MCF2L: variants seen among roughly 807,000 people sequenced by gnomAD.
The protein encoded by MCF2L is guanine nucleotide exchange factor DBS.
MCF2L carries 97 observed loss-of-function variants against 153.4 expected under a neutral mutation model. That is an observed-to-expected ratio of 0.63 (90% CI 0.54 to 0.75). The LOEUF is 0.75. Among genes scored for constraint, MCF2L ranks in the 30% least tolerant of loss-of-function variants. The probability of loss-of-function intolerance (pLI) is 0.00; values close to 1 mark genes in which losing one functional copy is unlikely to be tolerated. For synonymous variants in MCF2L, 659 were observed against 632.2 expected, an observed-to-expected ratio of 1.04 and a Z score of -0.64; for missense variants, 1,347 against 1,495.2, an observed-to-expected ratio of 0.90 and a Z score of 1.64.
chr13:113,086,041 G>A lies in MCF2L; in HGVS notation c.2248-83G>A, dbSNP rs1001235996. On this transcript the variant is annotated intron_variant, in intron 20 of 29. Coordinates refer to ENST00000535094, the MANE Select transcript of MCF2L (RefSeq NM_001112732.3). Reference sequence around the variant, plus strand: ...GGAGGGTGAGCAGCATCCCTACCTCGTGCCAAGCTCCTGAGGGGTCTGTTC... The same window carrying A: ...GGAGGGTGAGCAGCATCCCTACCTCATGCCAAGCTCCTGAGGGGTCTGTTC... The A allele has an allele frequency of 2.7e-5, 39 of 1,448,840 alleles. 1 individual carries two copies. The East Asian group carries it at 5.6e-4, about 21-fold the overall frequency. The allele number at this position is 1,448,840 out of a possible 1,614,324, so 89.7% of individuals were successfully genotyped here. A position where few individuals can be genotyped will look rare whatever the true frequency, so the allele number is the denominator to read the frequency against.
intron 1 of MCF2L, among the ~76,000 whole-genome samples, chr13:112,970,881 C>T (rs1458234927): frequency 2.6e-5 from 4 of 152,184 alleles, no homozygotes; most frequent in African/African-American, 7.2e-5. Flanking sequence ...GCCATCGTCT[C>T]ATCTGGAACA....
intron 2 of MCF2L, among the ~76,000 whole-genome samples, chr13:113,021,890 C>G (rs2084907793): frequency 6.6e-6 from 1 of 152,226 alleles, no homozygotes; most frequent in African/African-American, 2.4e-5. Context: ...CAGAGATACC[C>G]AGGGTAGCAG....
intron 26 of MCF2L, chr13:113,091,277 GC>G: frequency 8.3e-7 from 1 of 1,202,296 alleles, no homozygotes; most frequent in Non-Finnish European, 1.1e-6. Flanking sequence ...GGCCGTCAAG[GC>G]CACCTAAGGG....
At chr13:113,065,376 A>G in intron 7 of MCF2L, 1 of 445,332 alleles carries the variant, frequency 2.2e-6, no homozygotes, top group Non-Finnish European at 4.1e-6. Context: ...CCGTGGCTTC[A>G]GGAGTGGGAC....
At chr13:113,044,720 C>G (rs2086697853) in intron 3 of MCF2L, 1 of 1,612,778 alleles carries the variant, frequency 6.2e-7, no homozygotes, top group African/African-American at 1.3e-5. Context: ...TGGTCTCTGT[C>G]ACAGATGTGG....
rs751937624 is a variant in MCF2L, at chr13:113,088,328, C to T, written c.2690C>T (p.Ala897Val). The T allele has an allele frequency of 1.9e-6, 3 of 1,613,790 alleles. No individual in the cohort carries two copies. Among genetic ancestry groups the T allele is most frequent in the Non-Finnish European group, 2.5e-6 (3 of 1,179,872 alleles). Reference sequence around the variant, plus strand: ...CTGGCGTTTCTTTTGGGGAAACAGGCGCCAACTCCTGAGATTAAAGCCGCG... The same window carrying T: ...CTGGCGTTTCTTTTGGGGAAACAGGTGCCAACTCCTGAGATTAAAGCCGCG... ...NAREEVYIVQ[A>V]PTPEIKAAWV... The change falls in exon 24 of 30, where the codon GCG becomes GTG. Residue 897 changes from alanine (A) to valine (V), a missense_variant and splice_region_variant. Ala to Val is a moderately conservative substitution (Grantham distance 64). This residue lies in a region of MCF2L where 383 missense variants were observed against 335.4 expected (regional missense o/e 1.14). Transcript: ENST00000535094.
intron 18 of MCF2L, 75 bp from the exon 19 acceptor site, chr13:113,084,817 G>A: frequency 8.9e-7 from 1 of 1,124,260 alleles, no homozygotes; most frequent in East Asian, 2.4e-5. Flanking sequence ...ACCGCGTAAT[G>A]CGGTGCCCGT....
intron 16 of MCF2L, 103 bp downstream of exon 16, chr13:113,081,382 C>T: frequency 8.6e-7 from 1 of 1,167,784 alleles, no homozygotes; most frequent in South Asian, 1.5e-5. Flanking sequence ...TGCTGTCCAC[C>T]AAATGCATGT....
At position 113,035,786 on chromosome 13, in the gene MCF2L, C is replaced by T. The variant is rs1191325293; in HGVS notation, c.279-9485C>T. Among the ~76,000 whole-genome samples the T allele has an allele frequency of 1.3e-5, 2 of 152,208 alleles. No homozygotes were observed. The highest frequency in any genetic ancestry group is 2.9e-5 in the Non-Finnish European group (2 of 68,024). On this transcript the variant is annotated intron_variant, in intron 3 of 29. Coordinates refer to ENST00000535094, the MANE Select transcript of MCF2L (RefSeq NM_001112732.3). This position sits in a 1 kb window ranked among gnomAD's most constrained non-coding sequence, Gnocchi z 4.4. The stretch of plus-strand genomic sequence containing the variant: ...CCAGGTAGGCTCTGGGCTCAGACCC[C>T]AGCGCCCCACTTGTTAGCTGTTTGA...
chr13:112,917,165 T>C (rs1275784587), intron 2 of MCF2L: 2 of 471,076 alleles, frequency 4.2e-6, no homozygotes, highest in Non-Finnish European at 8.8e-6. Context: ...GTGTGATGAT[T>C]CCTAGTCCAC....
chr13:113,094,537 C>T lies in MCF2L; in HGVS notation c.2977C>T (p.Leu993=), dbSNP rs549503950. The T allele has an allele frequency of 7.4e-5, 120 of 1,612,382 alleles. No homozygotes were observed. Among genetic ancestry groups the T allele is most frequent in the Middle Eastern group, 3.3e-4 (2 of 6,056 alleles). ...GKGWSKTSHS[L]EAPEDDGGWS... is the part of the protein sequence containing the mutation. ...AGGTTGGAGCAAAACGTCCCACTCA[C>T]TGGAGGCACCTGAGGACGACGGGGG... Residue 993 remains leucine (L), a synonymous_variant, in exon 27 of 30, where the codon CTG becomes TTG. Transcript: ENST00000535094.
At position 113,084,180 on chromosome 13, in the gene MCF2L, G is replaced by GT. The variant is rs2034415095; in HGVS notation, c.2061+117dup. On this transcript the variant is annotated intron_variant, in intron 18 of 29. Coordinates refer to ENST00000535094, the MANE Select transcript of MCF2L (RefSeq NM_001112732.3). Reference sequence around the variant, plus strand: ...ACCAACTGAAATCACAAAATACGATGTTTTCAATTTGGCTGAGATACCATG... The same window carrying GT: ...ACCAACTGAAATCACAAAATACGATGTTTTTCAATTTGGCTGAGATACCATG... 74 of 931,566 alleles carry GT rather than the reference G, an allele frequency of 7.9e-5. 1 individual carries two copies. In the South Asian group the frequency reaches 1.0e-3, roughly 13 times the overall value. The allele number at this position is 931,566 out of a possible 1,614,324, so 57.7% of individuals were successfully genotyped here.
In MCF2L at chr13:113,075,099, C is replaced by T; in HGVS notation, c.1218C>T (p.Leu406=). The T allele has an allele frequency of 6.2e-7, 1 of 1,613,734 alleles. No individual in the cohort carries two copies. The highest frequency in any genetic ancestry group is 8.5e-7 in the Non-Finnish European group (1 of 1,180,002). ...VDSIRPKCQE[L]RHLCDQFSAE... The stretch of plus-strand genomic sequence containing the variant: ...CCATCCGCCCAAAGTGCCAGGAGCT[C>T]CGGCACCTCTGTGACCAGTTCTCTG... Residue 406 remains leucine, a synonymous_variant, in exon 11 of 30, where the codon CTC becomes CTT. Coordinates refer to ENST00000535094, the MANE Select transcript of MCF2L (RefSeq NM_001112732.3).
chr13:112,921,611 G>A (rs555009958), intron 2 of MCF2L, among the ~76,000 whole-genome samples: 1 of 152,320 alleles, frequency 6.6e-6, no homozygotes, highest in African/African-American at 2.4e-5. Context: ...AAACCTTCCT[G>A]TTAGATACAC....
intron 1 of MCF2L, chr13:112,979,732 G>C (rs750178663): frequency 1.2e-6 from 2 of 1,612,280 alleles, no homozygotes; most frequent in Non-Finnish European, 1.7e-6. Flanking sequence ...AGGAGGCGCC[G>C]GGGAACTGCA....
At chr13:113,078,473 C>T (rs371275967) in intron 14 of MCF2L, 37 bp downstream of exon 14, 1 of 1,575,922 alleles carries the variant, frequency 6.3e-7, no homozygotes. Flanking sequence ...CATCCACACC[C>T]CCCTCCTTGG....
At chr13:112,979,278 C>T in intron 1 of MCF2L, 1 of 1,057,098 alleles carries the variant, frequency 9.5e-7, no homozygotes, top group Non-Finnish European at 1.1e-6. Context: ...CCAGCCCACG[C>T]AAGCCCCCGC....
At chr13:112,952,313 C>CA (rs1284279885) in intron 2 of MCF2L, among the ~76,000 whole-genome samples, 1 of 152,184 alleles carries the variant, frequency 6.6e-6, no homozygotes, top group Non-Finnish European at 1.5e-5. Flanking sequence ...AGAGACCTTG[C>CA]AGCCCCACCC....
At position 113,083,137 on chromosome 13, in the gene MCF2L, G is replaced by A. The variant is rs111799490; in HGVS notation, c.1991+595G>A. Among the ~76,000 whole-genome samples the A allele has an allele frequency of 5.2e-3, 799 of 152,254 alleles. 6 individuals carry two copies. Among genetic ancestry groups the A allele is most frequent in the African/African-American group, 0.018 (767 of 41,540 alleles). On this transcript the variant is annotated intron_variant, in intron 17 of 29. Coordinates refer to ENST00000535094, the MANE Select transcript of MCF2L (RefSeq NM_001112732.3). ...TAACACAGTTTTGGGGAGCTCATGG[G>A]AAGGTGTAGGGTGCACACGCAGTGC...
Sources: allele counts gnomAD v4.1 joint callset (sites outside exome capture counted in the v4.1 genomes callset), GRCh38; gene constraint gnomAD v4.1.1; regional missense constraint gnomAD v4.1.1; non-coding constraint Gnocchi (gnomAD v3.1); transcripts MANE v1.5; gene names NCBI Gene and HGNC (gene_info 2026-07-23, HGNC 2026-07-21).